The following SV2C variants were observed in gnomAD, a reference collection of about 807,000 sequenced individuals.
SV2C encodes the protein solute carrier family 22 member B3.
A neutral mutation model predicts 79.7 loss-of-function variants in SV2C; 49 were observed. The ratio of observed to expected loss-of-function variants is 0.61; its 90% CI spans 0.49 to 0.78. The LOEUF (loss-of-function observed/expected upper bound fraction) is 0.78, where lower values mean the gene tolerates loss of function less well. Ranked by LOEUF, SV2C falls within the 30% of genes least tolerant of loss-of-function variation. The probability of loss-of-function intolerance (pLI) is 0.00; values close to 1 mark genes in which losing one functional copy is unlikely to be tolerated. For synonymous variants in SV2C, 334 were observed against 333.2 expected (o/e 1.00, Z -0.03); for missense variants, 833 against 912.9 (o/e 0.91, Z 1.13).
chr5:75,851,549 G>T, the SV2C span, among the ~76,000 whole-genome samples: 1 of 152,126 alleles, frequency 6.6e-6, no homozygotes, highest in Non-Finnish European at 1.5e-5. Context: ...AAGAGTGTCC[G>T]ATGTAGGTAA....
intron 6 of SV2C, among the ~76,000 whole-genome samples, chr5:76,287,513 T>G (rs1380129695): frequency 6.6e-6 from 1 of 152,106 alleles, no homozygotes; most frequent in African/African-American, 2.4e-5. Context: ...AAACCCTCCC[T>G]CCGGACACTA....
chr5:76,050,937 AAAT>A, the SV2C span, among the ~76,000 whole-genome samples: 3 of 152,260 alleles, frequency 2.0e-5, no homozygotes, highest in Non-Finnish European at 4.4e-5. Context: ...CTGGAATAAA[AAAT>A]AATGATAAGC....
At chr5:76,077,199 C>T in the SV2C span, among the ~76,000 whole-genome samples, 1 of 152,066 alleles carries the variant, frequency 6.6e-6, no homozygotes, top group Non-Finnish European at 1.5e-5. Context: ...AAACCTGCCT[C>T]TGATAAGCCT....
the SV2C span, among the ~76,000 whole-genome samples, chr5:75,951,670 G>A: frequency 6.6e-6 from 1 of 152,018 alleles, no homozygotes; most frequent in African/African-American, 2.4e-5. Flanking sequence ...AGAAATTCGG[G>A]AAACAGAAAA....
chr5:76,174,262 G>C, intron 2 of SV2C: 1 of 1,424,554 alleles, frequency 7.0e-7, no homozygotes, highest in Non-Finnish European at 9.9e-7. Flanking sequence ...GTCGCCCCGT[G>C]CTCCCCGCGG....
chr5:75,869,589 C>T, the SV2C span, among the ~76,000 whole-genome samples: 2 of 152,170 alleles, frequency 1.3e-5, no homozygotes, highest in Non-Finnish European at 2.9e-5. Context: ...ACTCACCACC[C>T]TGAAGAGAAG....
chr5:76,312,961 C>T (rs979544802), intron 12 of SV2C, among the ~76,000 whole-genome samples: 17 of 152,206 alleles, frequency 1.1e-4, no homozygotes, highest in African/African-American at 3.9e-4. Context: ...CTTGTTTTGA[C>T]AGAGTTCTCT....
chr5:76,122,595 A>T (rs1415691682), intron 1 of SV2C, among the ~76,000 whole-genome samples: 1 of 152,126 alleles, frequency 6.6e-6, no homozygotes, highest in Non-Finnish European at 1.5e-5. Context: ...AACTACATGG[A>T]AACTGAACAA....
chr5:76,058,540 G>C, the SV2C span, among the ~76,000 whole-genome samples: 10 of 152,238 alleles, frequency 6.6e-5, no homozygotes, highest in East Asian at 1.9e-3. Context: ...AGAAATAAAT[G>C]TTGGCAAAGA....
chr5:76,294,474 G>A (rs1309283655), intron 8 of SV2C, among the ~76,000 whole-genome samples: 1 of 151,886 alleles, frequency 6.6e-6, no homozygotes, highest in Non-Finnish European at 1.5e-5. Flanking sequence ...GCTAATTTTT[G>A]TATTTTTAGT....
chr5:76,176,232 T>C (rs1269050364), intron 2 of SV2C, among the ~76,000 whole-genome samples: 2 of 152,216 alleles, frequency 1.3e-5, no homozygotes, highest in Non-Finnish European at 2.9e-5. Context: ...GGAAGTGGCC[T>C]GGAGGTTCTC....
the SV2C span, among the ~76,000 whole-genome samples, chr5:75,971,227 G>A: frequency 2.0e-5 from 3 of 152,074 alleles, no homozygotes; most frequent in African/African-American, 7.3e-5. Context: ...CATACTGAAT[G>A]GACAAAAACT....
intron 1 of SV2C, among the ~76,000 whole-genome samples, chr5:76,125,352 A>T (rs1403086369): frequency 2.0e-5 from 3 of 152,098 alleles, no homozygotes; most frequent in African/African-American, 4.8e-5. Context: ...TCTGCCTTTT[A>T]TCCTGCTTCT....
the SV2C span, among the ~76,000 whole-genome samples, chr5:76,034,610 T>C: frequency 3.3e-5 from 5 of 152,214 alleles, no homozygotes; most frequent in African/African-American, 9.6e-5. Context: ...CACTTGATCA[T>C]GGTGGATAAG....
At chr5:76,181,391 G>A (rs1426144964) in intron 2 of SV2C, among the ~76,000 whole-genome samples, 10 of 152,180 alleles carry the variant, frequency 6.6e-5, no homozygotes, top group East Asian at 5.8e-4. Context: ...CAGTGCCTTT[G>A]CCTTTTCACA....
At chr5:75,903,297 G>A in the SV2C span, among the ~76,000 whole-genome samples, 551 of 151,432 alleles carry the variant, frequency 3.6e-3, 6 homozygotes, top group African/African-American at 0.013. Flanking sequence ...GACCTGATTT[G>A]TCCAAGATTA....
chr5:75,896,623 C>T, the SV2C span, among the ~76,000 whole-genome samples: 1 of 147,666 alleles, frequency 6.8e-6, no homozygotes, highest in Admixed American at 6.6e-5. Context: ...GTTCTAGATC[C>T]CTCCCTGAGG....
chr5:76,033,423 T>C, the SV2C span, among the ~76,000 whole-genome samples: 1 of 152,220 alleles, frequency 6.6e-6, no homozygotes. Flanking sequence ...TTAATTTTTG[T>C]ATAAGGTGTA....
chr5:76,153,738 A>G (rs1228492829), intron 2 of SV2C, among the ~76,000 whole-genome samples: 1 of 152,202 alleles, frequency 6.6e-6, no homozygotes, highest in Non-Finnish European at 1.5e-5. Context: ...GATGATTTGC[A>G]GGCTTGTGGC....
Sources: allele counts gnomAD v4.1 joint callset (sites outside exome capture counted in the v4.1 genomes callset), GRCh38; gene constraint gnomAD v4.1.1; transcripts MANE v1.5; gene names NCBI Gene and HGNC (gene_info 2026-07-23, HGNC 2026-07-21).